The following NCOA1 variants were observed in gnomAD, a reference collection of about 807,000 sequenced individuals.
The protein encoded by NCOA1 is Hin-2 protein.
A neutral mutation model predicts 150.9 loss-of-function variants in NCOA1; 35 were observed. The ratio of observed to expected loss-of-function variants is 0.23; its 90% CI spans 0.18 to 0.31. The LOEUF (loss-of-function observed/expected upper bound fraction) is 0.31. Ranked by LOEUF, NCOA1 falls within the 10% of genes least tolerant of loss-of-function variation. The pLI, the probability that NCOA1 is intolerant of heterozygous loss-of-function variation, is 1.00. For missense variants in NCOA1, 1,491 were observed against 1,749.3 expected (o/e 0.85, Z 2.63); for synonymous variants, 590 against 630.0 (o/e 0.94, Z 0.95).
chr2:24,530,456 G>T (rs1429319690), intron 1 of NCOA1, among the ~76,000 whole-genome samples: 1 of 152,160 alleles, frequency 6.6e-6, no homozygotes, highest in South Asian at 2.1e-4. Flanking sequence ...CTGTGTTTCA[G>T]ATTTTTGGCT....
intron 1 of NCOA1, among the ~76,000 whole-genome samples, chr2:24,539,092 T>A (rs1363452422): frequency 6.6e-6 from 1 of 152,136 alleles, no homozygotes; most frequent in Admixed American, 6.5e-5. Context: ...TATTAATAAC[T>A]TAATATGCAT....
At chr2:24,540,811 T>C (rs1290720500) in intron 1 of NCOA1, among the ~76,000 whole-genome samples, 2 of 152,038 alleles carry the variant, frequency 1.3e-5, no homozygotes, top group African/African-American at 2.4e-5. Flanking sequence ...TGAACTTAGA[T>C]AGCAGCATAA....
intron 22 of NCOA1, among the ~76,000 whole-genome samples, chr2:24,767,039 C>T (rs1379060885): frequency 6.6e-6 from 1 of 152,064 alleles, no homozygotes; most frequent in East Asian, 1.9e-4. Context: ...TCTGCCTCAT[C>T]TGAGAGGAAG....
intron 22 of NCOA1, among the ~76,000 whole-genome samples, chr2:24,765,244 C>T (rs1664999510): frequency 6.6e-6 from 1 of 151,792 alleles, no homozygotes; most frequent in Non-Finnish European, 1.5e-5. Flanking sequence ...TGGCTCACGC[C>T]TGTAATCCCA....
chr2:24,763,110 A>T (rs1387957755), intron 22 of NCOA1, among the ~76,000 whole-genome samples: 1 of 152,220 alleles, frequency 6.6e-6, no homozygotes, highest in Non-Finnish European at 1.5e-5. Context: ...CTAAAAACTC[A>T]TCTGTAATCA....
chr2:24,736,234 A>G (rs957003799), intron 17 of NCOA1, among the ~76,000 whole-genome samples: 2 of 150,102 alleles, frequency 1.3e-5, no homozygotes, highest in African/African-American at 4.9e-5. Context: ...AAAAAAAAAA[A>G]AAAGAAAAAG....
intron 7 of NCOA1, among the ~76,000 whole-genome samples, chr2:24,679,586 T>C (rs1035680812): frequency 6.6e-6 from 1 of 152,148 alleles, no homozygotes; most frequent in Non-Finnish European, 1.5e-5. Flanking sequence ...AAGTTTCAGG[T>C]CTATTTTTGA....
At chr2:24,500,126 GAGA>G (rs1316599201) in intron 1 of NCOA1, among the ~76,000 whole-genome samples, 1 of 150,842 alleles carries the variant, frequency 6.6e-6, no homozygotes, top group Non-Finnish European at 1.5e-5. Flanking sequence ...CTTTTTTTTT[GAGA>G]AGGAGTTTCG....
Position 24,629,817 on chromosome 2 carries a change from CATATATAT to C in NCOA1, c.-174-14126_-174-14119del, listed in dbSNP as rs57598398. 4.7e-4 allele frequency among the ~76,000 whole-genome samples: 37 copies of C among 79,350 alleles called. 1 individual carries two copies. The highest frequency in any genetic ancestry group is 1.6e-3 in the African/African-American group (35 of 22,278). 52.1% of individuals were successfully genotyped at this position (79,350 alleles called of 152,430 possible). On this transcript the variant is annotated intron_variant, in intron 3 of 22. Transcript: ENST00000348332. ...GACACTGTTTTAAGTAACATACATA[CATATATAT>C]ATATATATATATATATATATATGTA...
At chr2:24,601,287 A>G (rs889249575) in intron 3 of NCOA1, among the ~76,000 whole-genome samples, 1 of 152,080 alleles carries the variant, frequency 6.6e-6, no homozygotes, top group African/African-American at 2.4e-5. Flanking sequence ...ATCAGAGCTC[A>G]CTTTAACTTC....
chr2:24,702,036 G>A (rs1418935846), intron 11 of NCOA1, among the ~76,000 whole-genome samples: 2 of 152,088 alleles, frequency 1.3e-5, no homozygotes, highest in Non-Finnish European at 2.9e-5. Flanking sequence ...TATATCATGA[G>A]TCAAAGCTGG....
At chr2:24,654,365 T>C (rs1425985725) in intron 4 of NCOA1, among the ~76,000 whole-genome samples, 10 of 152,190 alleles carry the variant, frequency 6.6e-5, no homozygotes. Context: ...AATAAATTGT[T>C]TTTTAAGACA....
chr2:24,617,809 A>G (rs1668938203), intron 3 of NCOA1, among the ~76,000 whole-genome samples: 2 of 152,170 alleles, frequency 1.3e-5, no homozygotes, highest in Admixed American at 1.3e-4. Context: ...ATTTAATACC[A>G]AAAAACAAAA....
intron 3 of NCOA1, among the ~76,000 whole-genome samples, chr2:24,586,211 G>A (rs559177417): frequency 6.8e-6 from 1 of 147,416 alleles, no homozygotes; most frequent in African/African-American, 2.6e-5. Flanking sequence ...AGGAGGCGGA[G>A]CTTGCAAAGA....
At chr2:24,748,733 G>GA (rs201208040) in intron 19 of NCOA1, among the ~76,000 whole-genome samples, 2,518 of 150,074 alleles carry the variant, frequency 0.017, 30 homozygotes, top group South Asian at 0.031. Context: ...AGTAAAAAGA[G>GA]AAAAAAATCA....
At chr2:24,597,496 G>A (rs1173012340) in intron 3 of NCOA1, among the ~76,000 whole-genome samples, 2 of 151,552 alleles carry the variant, frequency 1.3e-5, no homozygotes, top group Admixed American at 1.3e-4. Flanking sequence ...TTGTGTTTGT[G>A]GCAGGGGCTG....
In NCOA1 at chr2:24,551,111, A is replaced by AAG. The variant is rs1458936204; in HGVS notation, c.-395-13183_-395-13182dup. Among the ~76,000 whole-genome samples, 586 of 151,954 alleles carry AAG rather than the reference A, an allele frequency of 3.9e-3. 4 individuals are homozygous for AAG. Among genetic ancestry groups the AAG allele is most frequent in the African/African-American group, 0.014 (567 of 41,416 alleles). On this transcript the variant is annotated intron_variant, in intron 1 of 22. Transcript: ENST00000348332. ...CTTTGTCTCAAAAAAAAAAAAAAAA[A>AAG]AGCTCTGATAGTTTTCATTTGTGGT...
At chr2:24,567,371 T>C (rs907952391) in intron 2 of NCOA1, among the ~76,000 whole-genome samples, 2 of 152,362 alleles carry the variant, frequency 1.3e-5, no homozygotes, top group Admixed American at 1.3e-4. Context: ...TCTTTTCTTC[T>C]TACTTTCACT....
chr2:24,662,461 A>G (rs1307776745), intron 5 of NCOA1, among the ~76,000 whole-genome samples: 1 of 152,164 alleles, frequency 6.6e-6, no homozygotes, highest in African/African-American at 2.4e-5. Flanking sequence ...AATGTGAGAC[A>G]TGTTTCTGTC....
Sources: gnomAD v4.1 joint callset for allele counts (sites outside exome capture counted in the v4.1 genomes callset) on GRCh38, gnomAD v4.1.1 for gene constraint, MANE v1.5 for transcripts, NCBI Gene and HGNC (gene_info 2026-07-23, HGNC 2026-07-21) for gene names.